The following ROBO2 variants were observed in gnomAD, a reference collection of about 807,000 sequenced individuals.
ROBO2 encodes roundabout homolog 2.
ROBO2 carries 53 observed loss-of-function variants against 160.8 expected under a neutral mutation model. The ratio of observed to expected loss-of-function variants is 0.33; its 90% CI spans 0.26 to 0.41. ROBO2 has a LOEUF of 0.41. Ranked by LOEUF, ROBO2 falls within the 10% of genes least tolerant of loss-of-function variation. The probability of loss-of-function intolerance (pLI) is 1.00; values close to 1 mark genes in which losing one functional copy is unlikely to be tolerated. For missense variants in ROBO2, 1,577 were observed against 1,722.4 expected, an observed-to-expected ratio of 0.92 and a Z score of 1.49; for synonymous variants, 664 against 611.7, an observed-to-expected ratio of 1.09 and a Z score of -1.26.
At chr3:76,950,362 C>T (rs1418526048) in intron 2 of ROBO2, among the ~76,000 whole-genome samples, 4 of 152,166 alleles carry the variant, frequency 2.6e-5, no homozygotes, top group Non-Finnish European at 4.4e-5. Context: ...CTTTATGTTA[C>T]TTTGTCATTT....
chr3:76,582,870 A>G (rs2085788032), intron 2 of ROBO2, among the ~76,000 whole-genome samples: 1 of 152,106 alleles, frequency 6.6e-6, no homozygotes, highest in Non-Finnish European at 1.5e-5. Flanking sequence ...CTATTTTGAG[A>G]TTTGGTAGCC....
At chr3:76,757,446 G>A (rs1576451065) in intron 2 of ROBO2, among the ~76,000 whole-genome samples, 1 of 151,800 alleles carries the variant, frequency 6.6e-6, no homozygotes, top group African/African-American at 2.4e-5. Context: ...CAGGGTTTTC[G>A]TGTGGTCACT....
chr3:76,513,241 T>C (rs1338900333), intron 2 of ROBO2, among the ~76,000 whole-genome samples: 1 of 152,234 alleles, frequency 6.6e-6, no homozygotes, highest in African/African-American at 2.4e-5. Context: ...TTTTAACTTA[T>C]GTTTGAATTC....
chr3:76,573,267 T>G (rs947568971), intron 2 of ROBO2, among the ~76,000 whole-genome samples: 4 of 152,090 alleles, frequency 2.6e-5, no homozygotes, highest in Admixed American at 2.0e-4. Context: ...CTACAAAAAC[T>G]GGGGTTGATA....
At chr3:76,673,221 A>G (rs2092316148) in intron 2 of ROBO2, among the ~76,000 whole-genome samples, 1 of 152,212 alleles carries the variant, frequency 6.6e-6, no homozygotes, top group Admixed American at 6.5e-5. Flanking sequence ...CATCTCACCA[A>G]TGTAGGTTTT....
chr3:76,384,241 TG>T lies in ROBO2; in HGVS notation c.109+446640del, dbSNP rs148934191. Among the ~76,000 whole-genome samples, 8 of 152,300 alleles carry T rather than the reference TG, an allele frequency of 5.3e-5. No individual in the cohort carries two copies. In the East Asian group the frequency reaches 9.7e-4, roughly 18 times the overall value. On this transcript the variant is annotated intron_variant, in intron 2 of 26. Coordinates refer to the ROBO2 transcript ENST00000487694. ...TTGGCTGCACATAATACAAGAGAAA[TG>T]TTAATCTATTTCTTGATTTAGCTTT...
At chr3:77,502,367 C>G (rs930022518) in intron 5 of ROBO2, among the ~76,000 whole-genome samples, 3 of 152,102 alleles carry the variant, frequency 2.0e-5, no homozygotes, top group Admixed American at 6.5e-5. Flanking sequence ...ACTTATTTCC[C>G]ATAATATATG....
intron 2 of ROBO2, among the ~76,000 whole-genome samples, chr3:76,750,199 A>G (rs1342725828): frequency 2.0e-5 from 3 of 152,148 alleles, no homozygotes; most frequent in Admixed American, 1.3e-4. Flanking sequence ...AAAAAACCAC[A>G]TGATTATCTC....
At chr3:75,924,003 TTAATC>T (rs1165685904) in intron 1 of ROBO2, among the ~76,000 whole-genome samples, 2 of 152,234 alleles carry the variant, frequency 1.3e-5, no homozygotes, top group African/African-American at 2.4e-5. Flanking sequence ...TACCAAAACT[TTAATC>T]AATAGACTAG....
chr3:76,285,846 A>C (rs1048413978), intron 2 of ROBO2, among the ~76,000 whole-genome samples: 3 of 152,108 alleles, frequency 2.0e-5, no homozygotes, highest in African/African-American at 7.2e-5. Flanking sequence ...TTCTTGCCTC[A>C]TTAATCCCAC....
chr3:76,045,737 A>G lies in ROBO2; in HGVS notation c.109+108135A>G, dbSNP rs1034635387. Reference sequence around the variant, plus strand: ...AAGTTCAATATTTTGCCACAGGTTTATTTTGGAAAGTATTTCAGGAATCTT... The same window carrying G: ...AAGTTCAATATTTTGCCACAGGTTTGTTTTGGAAAGTATTTCAGGAATCTT... On this transcript the variant is annotated intron_variant, in intron 2 of 26. Transcript: ENST00000487694. Among the ~76,000 whole-genome samples, 9 of 151,926 alleles carry G rather than the reference A, an allele frequency of 5.9e-5. No homozygotes were observed. The East Asian group carries it at 1.3e-3, about 23-fold the overall frequency.
chr3:77,211,745 T>A (rs1298187075), intron 2 of ROBO2, among the ~76,000 whole-genome samples: 3 of 152,232 alleles, frequency 2.0e-5, no homozygotes, highest in African/African-American at 4.8e-5. Flanking sequence ...TTGAATTAAT[T>A]TTTGTATAAA....
At chr3:77,410,705 C>CTCCTCCTCT (rs2076706730) in intron 2 of ROBO2, among the ~76,000 whole-genome samples, 7 of 141,954 alleles carry the variant, frequency 4.9e-5, no homozygotes, top group African/African-American at 8.3e-5. Context: ...CCTCTTCCTC[C>CTCCTCCTCT]TCCTCCTCCT....
At chr3:76,298,297 T>G (rs1203448306) in intron 2 of ROBO2, among the ~76,000 whole-genome samples, 1 of 152,040 alleles carries the variant, frequency 6.6e-6, no homozygotes, top group Non-Finnish European at 1.5e-5. Context: ...TGGAGAGGGA[T>G]AGGGGTCTCT....
intron 2 of ROBO2, among the ~76,000 whole-genome samples, chr3:76,607,920 A>C (rs1400141445): frequency 2.0e-5 from 3 of 152,204 alleles, no homozygotes; most frequent in Non-Finnish European, 4.4e-5. Flanking sequence ...CTTCTTGCTA[A>C]GATTATAAAC....
chr3:76,540,491 A>C (rs1452896816), intron 2 of ROBO2, among the ~76,000 whole-genome samples: 1 of 152,216 alleles, frequency 6.6e-6, no homozygotes, highest in African/African-American at 2.4e-5. Flanking sequence ...TCCATTGCAG[A>C]AATACTAGGA....
At chr3:76,447,005 C>A (rs994988071) in intron 2 of ROBO2, among the ~76,000 whole-genome samples, 4 of 152,182 alleles carry the variant, frequency 2.6e-5, no homozygotes, top group Middle Eastern at 6.8e-3. Flanking sequence ...TCTAAAACAC[C>A]AAAAGCAATG....
chr3:76,114,210 G>A (rs1278492866), intron 2 of ROBO2, among the ~76,000 whole-genome samples: 2 of 152,116 alleles, frequency 1.3e-5, no homozygotes, highest in African/African-American at 4.8e-5. Context: ...TCCAACACAT[G>A]AACTTTGGGA....
chr3:76,549,885 T>C (rs1440966387), intron 2 of ROBO2, among the ~76,000 whole-genome samples: 2 of 152,222 alleles, frequency 1.3e-5, no homozygotes, highest in Non-Finnish European at 2.9e-5. Flanking sequence ...TCAAGCTTCC[T>C]ATGTGTAAAA....
Sources: gnomAD v4.1 joint callset for allele counts (sites outside exome capture counted in the v4.1 genomes callset) on GRCh38, gnomAD v4.1.1 for gene constraint, MANE v1.5 for transcripts, NCBI Gene and HGNC (gene_info 2026-07-23, HGNC 2026-07-21) for gene names.